Variants in MYO5B observed in about 807,000 individuals in gnomAD.
MYO5B encodes unconventional myosin-Vb.
Under a neutral mutation model 229.3 loss-of-function variants are expected in MYO5B, and 143 were observed. The observed-to-expected ratio is 0.62, with a 90% CI of 0.54 to 0.72. The LOEUF (loss-of-function observed/expected upper bound fraction) is 0.72. Among genes scored for constraint, MYO5B ranks in the 30% least tolerant of loss-of-function variants. MYO5B has a pLI of 0.00. For synonymous variants in MYO5B, 918 were observed against 885.2 expected (o/e 1.04, Z -0.66); for missense variants, 2,321 against 2,331.0 (o/e 1.00, Z 0.09).
At chr18:49,841,516 G>A (rs895893826) in intron 34 of MYO5B, 62 bp from the exon 35 acceptor site, 11 of 1,414,938 alleles carry the variant, frequency 7.8e-6, no homozygotes, top group African/African-American at 2.8e-5. Flanking sequence ...ATGCTTCCTC[G>A]GTACCTCTTT....
intron 1 of MYO5B, among the ~76,000 whole-genome samples, chr18:50,058,814 GA>G (rs1452137429): frequency 1.3e-5 from 2 of 150,722 alleles, no homozygotes; most frequent in Admixed American, 1.3e-4. Context: ...CTGTCTCGGA[GA>G]AAAAAAAACA....
In MYO5B at chr18:50,178,467, G is replaced by A. The variant is rs1328840928; in HGVS notation, c.27+16300C>T. ...CTCAGCAACAGAAAACACTTGAGAT[G>A]CATAAACATAGCCCAGCAGGGAAGT... is the stretch of plus-strand genomic sequence containing the variant. On this transcript the variant is annotated intron_variant, in intron 1 of 39. Transcript: ENST00000285039. Among the ~76,000 whole-genome samples the A allele has an allele frequency of 3.3e-5, 5 of 152,224 alleles. No homozygotes were observed. In the East Asian group the frequency reaches 9.6e-4, roughly 29 times the overall value.
At chr18:50,039,888 G>A (rs1379923614) in intron 3 of MYO5B, among the ~76,000 whole-genome samples, 2 of 152,248 alleles carry the variant, frequency 1.3e-5, no homozygotes, top group East Asian at 1.9e-4. Context: ...TCCAAGGACT[G>A]AGCTAAGCCA....
intron 1 of MYO5B, among the ~76,000 whole-genome samples, chr18:50,114,402 G>T (rs116884711): frequency 1.4e-4 from 22 of 152,116 alleles, no homozygotes; most frequent in African/African-American, 4.3e-4. Flanking sequence ...ATTCAAAGCC[G>T]CACTGACTCC....
At chr18:50,176,103 A>C (rs1011777980) in intron 1 of MYO5B, among the ~76,000 whole-genome samples, 1 of 152,206 alleles carries the variant, frequency 6.6e-6, no homozygotes, top group African/African-American at 2.4e-5. Flanking sequence ...AATGAGCTCC[A>C]TTTACTAAGG....
chr18:50,009,610 G>A (rs1407278475), intron 4 of MYO5B, among the ~76,000 whole-genome samples: 2 of 152,190 alleles, frequency 1.3e-5, no homozygotes, highest in African/African-American at 2.4e-5. Flanking sequence ...GCAGAGGTAG[G>A]TTAAGATAGC....
At chr18:50,052,902 T>C (rs2030438786) in intron 2 of MYO5B, among the ~76,000 whole-genome samples, 1 of 152,146 alleles carries the variant, frequency 6.6e-6, no homozygotes, top group Non-Finnish European at 1.5e-5. Flanking sequence ...AATATCATTG[T>C]CTTCCTGGAA....
At chr18:49,990,303 C>T in intron 7 of MYO5B, 136 bp downstream of exon 7, 3 of 718,380 alleles carry the variant, frequency 4.2e-6, no homozygotes, top group Non-Finnish European at 7.4e-6. Flanking sequence ...TTTAGAGAGG[C>T]CTAGGGGTTA....
chr18:50,194,973 G>T lies in MYO5B; in HGVS notation c.-180C>A, dbSNP rs1406157924. ...CCGCGGCCGGCTCGCTCCCGGCGGC[G>T]CGACCTTTACTCCCGCCGCGGCGGC... On this transcript the variant is annotated 5_prime_UTR_variant, in exon 1 of 40. Transcript: ENST00000285039. 2 of 931,320 alleles carry T rather than the reference G, an allele frequency of 2.1e-6. No homozygotes were observed. Among genetic ancestry groups the T allele is most frequent in the Non-Finnish European group, 2.8e-6 (2 of 722,614 alleles). 57.7% of individuals were successfully genotyped at this position (931,320 alleles called of 1,614,324 possible). A position where few individuals can be genotyped will look rare whatever the true frequency, so the allele number is the denominator to read the frequency against.
intron 1 of MYO5B, among the ~76,000 whole-genome samples, chr18:50,078,465 C>T (rs1394808949): frequency 6.6e-6 from 1 of 152,170 alleles, no homozygotes; most frequent in East Asian, 1.9e-4. Context: ...ACACATTTCA[C>T]CTTTATAATG....
chr18:49,952,471 T>TC (rs1381633891), intron 14 of MYO5B, among the ~76,000 whole-genome samples: 1 of 151,860 alleles, frequency 6.6e-6, no homozygotes, highest in Non-Finnish European at 1.5e-5. Flanking sequence ...GCTCCTTCTC[T>TC]CCTTTCACAG....
intron 2 of MYO5B, among the ~76,000 whole-genome samples, chr18:50,041,257 C>G (rs2030006714): frequency 1.3e-5 from 2 of 152,088 alleles, no homozygotes; most frequent in East Asian, 1.9e-4. Flanking sequence ...ATACAGGTGG[C>G]TTTTAGATCA....
At chr18:49,837,010 A>G in intron 37 of MYO5B, 125 bp from the exon 38 acceptor site, 1 of 942,046 alleles carries the variant, frequency 1.1e-6, no homozygotes, top group South Asian at 1.4e-5. Context: ...ACGGTTAAAA[A>G]GCATGGCAAG....
At chr18:50,193,082 C>T (rs541340336) in intron 1 of MYO5B, among the ~76,000 whole-genome samples, 2 of 152,386 alleles carry the variant, frequency 1.3e-5, no homozygotes, top group Non-Finnish European at 2.9e-5. Context: ...TCTTTGAGCA[C>T]TCCAGTTCAG....
At chr18:49,862,116 G>A (rs538362797) in intron 29 of MYO5B, among the ~76,000 whole-genome samples, 253 of 150,312 alleles carry the variant, frequency 1.7e-3, no homozygotes, top group Admixed American at 3.9e-3. Flanking sequence ...TCCTGCCTCA[G>A]CCTCCTGAGT....
At chr18:50,188,026 T>G (rs1274161322) in intron 1 of MYO5B, among the ~76,000 whole-genome samples, 2 of 152,150 alleles carry the variant, frequency 1.3e-5, no homozygotes, top group Admixed American at 6.5e-5. Context: ...AACCTCCTGG[T>G]TTCAATAATT....
At chr18:49,873,250 T>C (rs778330114) in intron 26 of MYO5B, among the ~76,000 whole-genome samples, 1 of 152,254 alleles carries the variant, frequency 6.6e-6, no homozygotes, top group Non-Finnish European at 1.5e-5. Flanking sequence ...GCTTCATAAA[T>C]GGTTAACTAC....
intron 27 of MYO5B, among the ~76,000 whole-genome samples, chr18:49,870,781 G>T (rs770942285): frequency 2.0e-5 from 3 of 151,918 alleles, no homozygotes; most frequent in African/African-American, 4.8e-5. Context: ...ATAAATAAAA[G>T]AAAAGAAAAT....
intron 16 of MYO5B, among the ~76,000 whole-genome samples, chr18:49,934,231 C>T (rs1291958483): frequency 6.6e-6 from 1 of 151,992 alleles, no homozygotes; most frequent in African/African-American, 2.4e-5. Flanking sequence ...GACTAGCTTG[C>T]GACTGGCCAA....
Sources: allele counts gnomAD v4.1 joint callset (sites outside exome capture counted in the v4.1 genomes callset), GRCh38; gene constraint gnomAD v4.1.1; transcripts MANE v1.5; gene names NCBI Gene and HGNC (gene_info 2026-07-23, HGNC 2026-07-21).